BRF1: variants seen among roughly 807,000 people sequenced by gnomAD.
The protein encoded by BRF1 is transcription factor IIIB 90 kDa subunit.
BRF1 carries 59 observed loss-of-function variants against 81.7 expected under a neutral mutation model. The ratio of observed to expected loss-of-function variants is 0.72; its 90% CI spans 0.59 to 0.90. The LOEUF is 0.90. Among genes scored for constraint, BRF1 ranks in the 40% least tolerant of loss-of-function variants. The probability of loss-of-function intolerance (pLI) is 0.00; values close to 1 mark genes in which losing one functional copy is unlikely to be tolerated. For missense variants in BRF1, 1,050 were observed against 936.3 expected (o/e 1.12, Z -1.58); for synonymous variants, 491 against 395.6 (o/e 1.24, Z -2.86).
intron 1 of BRF1, among the ~76,000 whole-genome samples, chr14:105,295,765 C>G (rs1302679478): frequency 6.7e-6 from 1 of 149,964 alleles, no homozygotes; most frequent in East Asian, 2.0e-4. Flanking sequence ...GTCTGGGCAA[C>G]AGTGAGACTT....
Position 105,220,030 on chromosome 14 carries a change from C to T in BRF1, c.1377+39G>A, listed in dbSNP as rs367992803. On this transcript the variant is annotated intron_variant, in intron 12 of 17. Coordinates refer to ENST00000547530, the MANE Select transcript of BRF1 (RefSeq NM_001519.4). Reference sequence around the variant, plus strand: ...GGCTCCTTGGGCTGCAGCGCCCTCCCAAGCCCAGCCCCTCTTGGGAAGGGG... The same window carrying T: ...GGCTCCTTGGGCTGCAGCGCCCTCCTAAGCCCAGCCCCTCTTGGGAAGGGG... The T allele has an allele frequency of 1.4e-4, 218 of 1,607,352 alleles. 1 individual carries two copies. The highest frequency in any genetic ancestry group is 1.0e-4 in the Admixed American group (6 of 59,986).
Position 105,217,659 on chromosome 14 carries a change from T to G in BRF1, c.1657A>C (p.Ser553Arg). 3.7e-6 allele frequency: 6 copies of G among 1,613,306 alleles called. No individual in the cohort carries two copies. Among genetic ancestry groups the G allele is most frequent in the Non-Finnish European group, 4.2e-6 (5 of 1,180,022 alleles). ...LRGLSSAGGG[S>R]PHREDAQPEH... ...GGCTGTGCATCCTCCCTGTGCGGAC[T>G]GCCCCCGCCGGCGCTGCTGAGGCCC... Residue 553 changes from serine (S) to arginine (R), a missense_variant, in exon 15 of 18, where the codon AGT (serine) becomes CGT (arginine). This residue lies in a region of BRF1 where 1,043 missense variants were observed against 915.4 expected (regional missense o/e 1.14). Transcript: ENST00000547530.
At chr14:105,286,446 C>CA in intron 1 of BRF1, 70 bp from the exon 2 acceptor site, 1 of 1,480,492 alleles carries the variant, frequency 6.8e-7, no homozygotes, top group South Asian at 1.2e-5. Context: ...TCCTAACATC[C>CA]ACAGACACAA....
chr14:105,282,718 A>G (rs1447045982), intron 2 of BRF1, among the ~76,000 whole-genome samples: 2 of 152,192 alleles, frequency 1.3e-5, no homozygotes, highest in Non-Finnish European at 2.9e-5. Context: ...GGATCACCTG[A>G]GGTCAGGAGT....
At chr14:105,211,959 G>A (rs1245463095) in intron 16 of BRF1, 154 bp downstream of exon 16, 6 of 1,178,098 alleles carry the variant, frequency 5.1e-6, no homozygotes, top group East Asian at 5.2e-5. Context: ...CTCGGGCCTC[G>A]ATTCTCTGGC....
chr14:105,287,432 G>A (rs755124898), intron 1 of BRF1, among the ~76,000 whole-genome samples: 4 of 152,148 alleles, frequency 2.6e-5, no homozygotes, highest in Admixed American at 6.5e-5. Context: ...CCGCAGCGTC[G>A]GCCCTCAGTG....
intron 2 of BRF1, among the ~76,000 whole-genome samples, chr14:105,283,297 G>C (rs889551491): frequency 2.6e-5 from 4 of 152,188 alleles, no homozygotes; most frequent in African/African-American, 9.6e-5. Context: ...TGCCTGGCCC[G>C]GGGCAGGCGG....
chr14:105,277,719 G>C (rs1032862843), intron 2 of BRF1, among the ~76,000 whole-genome samples: 1 of 152,216 alleles, frequency 6.6e-6, no homozygotes, highest in African/African-American at 2.4e-5. Flanking sequence ...GACTAAAATG[G>C]GGGCTTATGA....
At chr14:105,296,696 A>G (rs907988866) in intron 1 of BRF1, among the ~76,000 whole-genome samples, 2 of 151,880 alleles carry the variant, frequency 1.3e-5, no homozygotes, top group Admixed American at 6.6e-5. Flanking sequence ...AAAAAGAAAA[A>G]AAAAAAAAAA....
rs1000676322 is a variant in BRF1, at chr14:105,209,833, C to A, written c.*718G>T. The A allele has an allele frequency of 2.0e-6, 1 of 503,206 alleles. No individual in the cohort carries two copies. The highest frequency in any genetic ancestry group is 3.7e-5 in the Admixed American group (1 of 26,748). The allele number at this position is 503,206 out of a possible 1,614,324, so 31.2% of individuals were successfully genotyped here. ...AGTTCACCTGCCGGCAGCCGCAGGG[C>A]TCCTGGGCCCACAACTCAAGTGGCC... On this transcript the variant is annotated 3_prime_UTR_variant, in exon 18 of 18. Coordinates refer to ENST00000547530, the MANE Select transcript of BRF1 (RefSeq NM_001519.4).
At chr14:105,218,959 A>AC in intron 14 of BRF1, 39 bp downstream of exon 14, 8 of 1,612,434 alleles carry the variant, frequency 5.0e-6, no homozygotes, top group Non-Finnish European at 6.8e-6. Context: ...TAACCTGGAC[A>AC]CCCCCAAGAA....
intron 5 of BRF1, chr14:105,249,657 A>C: frequency 6.2e-7 from 1 of 1,612,410 alleles, no homozygotes; most frequent in South Asian, 1.1e-5. Flanking sequence ...TACAGTGATG[A>C]GATCGATCTG....
upstream of BRF1, among the ~76,000 whole-genome samples, chr14:105,302,668 C>T (rs1025226098): frequency 1.1e-4 from 17 of 152,204 alleles, no homozygotes; most frequent in African/African-American, 4.1e-4. Flanking sequence ...TCACTGCAGA[C>T]TCTACCTCCT....
intron 1 of BRF1, among the ~76,000 whole-genome samples, chr14:105,312,900 C>T (rs2058383465): frequency 2.6e-5 from 4 of 152,198 alleles, no homozygotes; most frequent in South Asian, 2.1e-4. Flanking sequence ...ACGGGTTCTT[C>T]GGGCCACTCT....
rs1354785018 is a variant in BRF1 at position 105,209,503 on chromosome 14, C to T, written c.*1048G>A. The T allele has an allele frequency of 7.1e-6, 5 of 702,070 alleles. No homozygotes were observed. In the Admixed American group the frequency reaches 1.0e-4, roughly 14 times the overall value. 43.5% of individuals were successfully genotyped at this position (702,070 alleles called of 1,614,324 possible). A position where few individuals can be genotyped will look rare whatever the true frequency, so the allele number is the denominator to read the frequency against. On this transcript the variant is annotated 3_prime_UTR_variant, in exon 18 of 18. Transcript: ENST00000547530. Reference sequence around the variant, plus strand: ...GTGAGGCACGGCTCTGCCTCAAGGCCACCCCCTCCTAAGGACACAGGGTGA... The same window carrying T: ...GTGAGGCACGGCTCTGCCTCAAGGCTACCCCCTCCTAAGGACACAGGGTGA...
At chr14:105,249,380 C>T (rs2055432226) in intron 5 of BRF1, 1 of 1,611,948 alleles carries the variant, frequency 6.2e-7, no homozygotes, top group African/African-American at 1.3e-5. Context: ...CTGTCGGCAG[C>T]TCCGTCTTCT....
At chr14:105,247,624 G>A in intron 5 of BRF1, 1 of 985,360 alleles carries the variant, frequency 1.0e-6, no homozygotes, top group Non-Finnish European at 1.2e-6. Context: ...TTTAGCCCAG[G>A]ACTGCGGTGA....
chr14:105,275,622 G>GA (rs1285435242), intron 2 of BRF1, among the ~76,000 whole-genome samples: 1 of 152,210 alleles, frequency 6.6e-6, no homozygotes, highest in Non-Finnish European at 1.5e-5. Flanking sequence ...TAAAAGGTAA[G>GA]AGAGAGGTAC....
intron 15 of BRF1, chr14:105,212,384 C>T (rs1005385282): frequency 1.4e-5 from 8 of 570,540 alleles, no homozygotes; most frequent in East Asian, 9.2e-5. Context: ...GAGCAGCACT[C>T]GACACAAACA....
Sources: gnomAD v4.1 joint callset for allele counts (sites outside exome capture counted in the v4.1 genomes callset) on GRCh38, gnomAD v4.1.1 for gene constraint, gnomAD v4.1.1 regional missense constraint, MANE v1.5 for transcripts, NCBI Gene and HGNC (gene_info 2026-07-23, HGNC 2026-07-21) for gene names.